The following AP1M1 variants were observed in gnomAD, a reference collection of about 807,000 sequenced individuals.
AP1M1 encodes the protein adaptor related protein complex 1 subunit mu 1, also known as AP-1 complex subunit mu-1.
A neutral mutation model predicts 57.1 loss-of-function variants in AP1M1; 18 were observed. That is an observed-to-expected ratio of 0.32 (90% confidence interval 0.22 to 0.47). The LOEUF is 0.47. AP1M1 is among the 20% of genes least tolerant of loss of function. AP1M1 has a pLI of 1.00. For missense variants in AP1M1, 362 were observed against 593.5 expected, an observed-to-expected ratio of 0.61 and a Z score of 4.05; for synonymous variants, 241 against 237.9, an observed-to-expected ratio of 1.01 and a Z score of -0.12.
rs950104180 is a variant in AP1M1 at position 16,207,700 on chromosome 19, G to C, written c.268-319G>C. On this transcript the variant is annotated intron_variant, in intron 3 of 11. Coordinates refer to ENST00000291439, the MANE Select transcript of AP1M1 (RefSeq NM_032493.4). This position sits in a 1 kb window ranked among gnomAD's most constrained non-coding sequence, Gnocchi z 4.2. ...CCTTGCCTGAGTCACTCCAGACTCA[G>C]AAAGGGATGACAGTTACAGTCGCTC... Among the ~76,000 whole-genome samples the C allele has an allele frequency of 2.0e-5, 3 of 152,152 alleles. No homozygotes were observed. Among genetic ancestry groups the C allele is most frequent in the African/African-American group, 7.2e-5 (3 of 41,420 alleles).
chr19:16,210,687 G>A (rs2091489819), intron 5 of AP1M1, among the ~76,000 whole-genome samples: 2 of 152,098 alleles, frequency 1.3e-5, no homozygotes, highest in Non-Finnish European at 2.9e-5. Context: ...AGCCTCCCGA[G>A]TAGCTGGGAT....
chr19:16,218,564 C>T (rs1437639325), intron 5 of AP1M1, among the ~76,000 whole-genome samples: 1 of 152,174 alleles, frequency 6.6e-6, no homozygotes, highest in Non-Finnish European at 1.5e-5. Flanking sequence ...TATGTCTTCC[C>T]TCCGTTCACT....
At chr19:16,224,024 A>C (rs2091558129) in intron 5 of AP1M1, among the ~76,000 whole-genome samples, 1 of 152,152 alleles carries the variant, frequency 6.6e-6, no homozygotes, top group Admixed American at 6.5e-5. Context: ...TCAGCCCCAG[A>C]CGTGTGCACT....
At position 16,207,919 on chromosome 19, in the gene AP1M1, A is replaced by G. The variant is rs2091476090; in HGVS notation, c.268-100A>G. 1 of 1,448,368 alleles carries G rather than the reference A, an allele frequency of 6.9e-7. No homozygotes were observed. The highest frequency in any genetic ancestry group is 9.4e-7 in the Non-Finnish European group (1 of 1,064,634). The allele number at this position is 1,448,368 out of a possible 1,614,324, so 89.7% of individuals were successfully genotyped here. On this transcript the variant is annotated intron_variant, in intron 3 of 11. Transcript: ENST00000291439. This position sits in a 1 kb window ranked among gnomAD's most constrained non-coding sequence, Gnocchi z 4.2. The stretch of plus-strand genomic sequence containing the variant: ...GCCTGGGAAGTAGGCTGTTGGTAGG[A>G]CTTAGCGGGCAAATGAATGTGTGCA...
At chr19:16,232,642 G>A (rs1319503945) in intron 9 of AP1M1, among the ~76,000 whole-genome samples, 4 of 152,240 alleles carry the variant, frequency 2.6e-5, no homozygotes, top group Non-Finnish European at 5.9e-5. Flanking sequence ...GGTGGCAGTA[G>A]GCAGAGATGA....
chr19:16,206,591 A>C lies in AP1M1; in HGVS notation c.267+183A>C. 1.5e-6 allele frequency: 1 copy of C among 651,988 alleles called. No individual in the cohort carries two copies. Among genetic ancestry groups the C allele is most frequent in the Non-Finnish European group, 2.7e-6 (1 of 366,926 alleles). 40.4% of individuals were successfully genotyped at this position (651,988 alleles called of 1,614,324 possible). ...CCACGCCTGTGGAATTCTATAGCTC[A>C]CGTTGCTCCCCTACCGTGGGGAAGA... On this transcript the variant is annotated intron_variant, in intron 3 of 11. Transcript: ENST00000291439. The surrounding 1 kb of genome is among the most constrained non-coding windows in gnomAD (Gnocchi z 4.3).
chr19:16,216,197 T>C (rs1476201893), intron 5 of AP1M1, among the ~76,000 whole-genome samples: 1 of 152,152 alleles, frequency 6.6e-6, no homozygotes, highest in Non-Finnish European at 1.5e-5. Flanking sequence ...TTAAGAACTC[T>C]TGCTTTGGGA....
chr19:16,231,220 G>A (rs557947904), intron 9 of AP1M1, among the ~76,000 whole-genome samples: 260 of 150,166 alleles, frequency 1.7e-3, no homozygotes, highest in African/African-American at 6.1e-3. Flanking sequence ...CTCGGGAGGC[G>A]GAGCTTGCAG....
At position 16,228,950 on chromosome 19, in the gene AP1M1, C is replaced by T. The variant is rs765872010; in HGVS notation, c.1047+22C>T. On this transcript the variant is annotated intron_variant, in intron 9 of 11. Coordinates refer to ENST00000291439, the MANE Select transcript of AP1M1 (RefSeq NM_032493.4). The surrounding 1 kb of genome is among the most constrained non-coding windows in gnomAD (Gnocchi z 5.0). ...CCCGGTGAGCACTCTGTCCAGACAT[C>T]CACGTGCCCCCTGCGCCTGTCTCTG... 7 of 1,609,044 alleles carry T rather than the reference C, an allele frequency of 4.4e-6. No homozygotes were observed. The African/African-American group carries it at 8.0e-5, about 18-fold the overall frequency.
intron 10 of AP1M1, 31 bp from the exon 11 acceptor site, chr19:16,234,168 G>A (rs200986619): frequency 2.7e-4 from 427 of 1,599,648 alleles, no homozygotes; most frequent in Non-Finnish European, 3.5e-4. Flanking sequence ...GGGAGCCTGC[G>A]GTGCTCAGGG....
chr19:16,218,346 T>C (rs1599460271), intron 5 of AP1M1, among the ~76,000 whole-genome samples: 2 of 152,210 alleles, frequency 1.3e-5, no homozygotes, highest in East Asian at 3.9e-4. Context: ...ACCACTTCTT[T>C]AAGCAGCTTC....
In AP1M1 at chr19:16,239,277, T is replaced by A. The variant is rs1322498396; in HGVS notation, c.*4842T>A. The stretch of plus-strand genomic sequence containing the variant: ...TTTTTTTTTTTTTTTTTTTTTTTTT[T>A]TTAAGACTGCAAAGCTGGGCATGGT... On this transcript the variant is annotated 3_prime_UTR_variant, in exon 12 of 12. Transcript: ENST00000291439. 32 of 95,624 alleles carry A rather than the reference T, an allele frequency of 3.3e-4. No individual in the cohort carries two copies. The highest frequency in any genetic ancestry group is 1.2e-3 in the African/African-American group (32 of 26,492). 5.9% of individuals were successfully genotyped at this position (95,624 alleles called of 1,614,324 possible).
rs381202 is a variant in AP1M1 at position 16,206,668 on chromosome 19, T to G, written c.267+260T>G. On this transcript the variant is annotated intron_variant, in intron 3 of 11. Coordinates refer to ENST00000291439, the MANE Select transcript of AP1M1 (RefSeq NM_032493.4). The surrounding 1 kb of genome is among the most constrained non-coding windows in gnomAD (Gnocchi z 4.3). ...GCTCAGAGCAGGGGTGCCCTGACCCTGGAAGGGACAAGCAGGGGTCAGCGA... is the reference window on the plus strand; with the variant it reads ...GCTCAGAGCAGGGGTGCCCTGACCCGGGAAGGGACAAGCAGGGGTCAGCGA... Among the ~76,000 whole-genome samples, 23 of 152,114 alleles carry G rather than the reference T, an allele frequency of 1.5e-4. No individual in the cohort carries two copies. Among genetic ancestry groups the G allele is most frequent in the South Asian group, 8.3e-4 (4 of 4,822 alleles).
At position 16,206,031 on chromosome 19, in the gene AP1M1, C is replaced by A. The variant is rs2091468057; in HGVS notation, c.200-310C>A. On this transcript the variant is annotated intron_variant, in intron 2 of 11. Coordinates refer to ENST00000291439, the MANE Select transcript of AP1M1 (RefSeq NM_032493.4). The surrounding 1 kb of genome is among the most constrained non-coding windows in gnomAD (Gnocchi z 4.3). ...TCTGCTCCTGGAATGAGCCTCACTC[C>A]CTCCCTGCTCAAGGCAGCCCTTCAC... is the stretch of plus-strand genomic sequence containing the variant. Among the ~76,000 whole-genome samples the A allele has an allele frequency of 1.3e-5, 2 of 152,120 alleles. No homozygotes were observed. The highest frequency in any genetic ancestry group is 4.1e-4 in the South Asian group (2 of 4,828).
rs2091580668 is a variant in AP1M1, at chr19:16,228,408, A to C, written c.888+200A>C. ...GTGCCACTTGTGGGGAGGGGCCTGTAGCCAGGCATCCAGGACACTCCCAGA... is the reference window on the plus strand; with the variant it reads ...GTGCCACTTGTGGGGAGGGGCCTGTCGCCAGGCATCCAGGACACTCCCAGA... On this transcript the variant is annotated intron_variant, in intron 8 of 11. Coordinates refer to ENST00000291439, the MANE Select transcript of AP1M1 (RefSeq NM_032493.4). This position sits in a 1 kb window ranked among gnomAD's most constrained non-coding sequence, Gnocchi z 5.0. Among the ~76,000 whole-genome samples, 2 of 152,126 alleles carry C rather than the reference A, an allele frequency of 1.3e-5. No individual in the cohort carries two copies. The highest frequency in any genetic ancestry group is 4.8e-5 in the African/African-American group (2 of 41,422).
chr19:16,211,520 C>G (rs1338190870), intron 5 of AP1M1, among the ~76,000 whole-genome samples: 3 of 152,120 alleles, frequency 2.0e-5, no homozygotes, highest in Admixed American at 2.0e-4. Flanking sequence ...ATAGATGGCT[C>G]TTATTATTTT....
chr19:16,201,555 C>T (rs547309161), intron 1 of AP1M1, among the ~76,000 whole-genome samples: 79 of 152,002 alleles, frequency 5.2e-4, no homozygotes, highest in African/African-American at 1.7e-3. Context: ...TGCACCACCA[C>T]GCCTGGCTAA....
chr19:16,229,226 A>ATGGG (rs1380442913), intron 9 of AP1M1, among the ~76,000 whole-genome samples: 1 of 152,062 alleles, frequency 6.6e-6, no homozygotes, highest in Admixed American at 6.6e-5. Context: ...CTGATGTGAG[A>ATGGG]TGGGGCTCCT....
rs115989543 is a variant in AP1M1 at position 16,216,705 on chromosome 19, G to C, written c.546+7528G>C. The stretch of plus-strand genomic sequence containing the variant: ...TATTGGAAGATTTTAGGGGACCAAG[G>C]CTCAGCTTAGGACTCCTGAACTGCA... On this transcript the variant is annotated intron_variant, in intron 5 of 11. Coordinates refer to ENST00000291439, the MANE Select transcript of AP1M1 (RefSeq NM_032493.4). Among the ~76,000 whole-genome samples the C allele has an allele frequency of 1.8e-3, 275 of 152,280 alleles. 1 individual carries two copies. Among genetic ancestry groups the C allele is most frequent in the African/African-American group, 6.5e-3 (268 of 41,544 alleles).
Sources: allele counts gnomAD v4.1 joint callset (sites outside exome capture counted in the v4.1 genomes callset), GRCh38; gene constraint gnomAD v4.1.1; non-coding constraint Gnocchi (gnomAD v3.1); transcripts MANE v1.5; gene names NCBI Gene and HGNC (gene_info 2026-07-23, HGNC 2026-07-21).